CRLF3: variants seen among roughly 807,000 people sequenced by gnomAD.
The protein encoded by CRLF3 is cytokine receptor like factor 3.
Under a neutral mutation model 55.0 loss-of-function variants are expected in CRLF3, and 33 were observed. The ratio of observed to expected loss-of-function variants is 0.60; its 90% CI spans 0.46 to 0.80. CRLF3 has a LOEUF of 0.80. CRLF3 is among the 30% of genes least tolerant of loss of function. The probability of loss-of-function intolerance (pLI) is 0.00; values close to 1 mark genes in which losing one functional copy is unlikely to be tolerated. For missense variants in CRLF3, 494 were observed against 538.4 expected (o/e 0.92, Z 0.82); for synonymous variants, 238 against 196.8 (o/e 1.21, Z -1.75).
At chr17:30,810,494 G>A (rs1417783042) in intron 1 of CRLF3, among the ~76,000 whole-genome samples, 5 of 152,068 alleles carry the variant, frequency 3.3e-5, no homozygotes, top group East Asian at 1.9e-4. Flanking sequence ...CCCGGGAAGC[G>A]GAGGTTGCAG....
At chr17:30,821,761 CA>C (rs1437304825) in intron 1 of CRLF3, among the ~76,000 whole-genome samples, 1 of 151,840 alleles carries the variant, frequency 6.6e-6, no homozygotes, top group Non-Finnish European at 1.5e-5. Context: ...TTGTGGTTGC[CA>C]GGGGGTATGG....
At chr17:30,791,856 G>A (rs1398866974) in intron 6 of CRLF3, among the ~76,000 whole-genome samples, 2 of 150,688 alleles carry the variant, frequency 1.3e-5, no homozygotes, top group Non-Finnish European at 3.0e-5. Context: ...AATTTTGTGT[G>A]TGTGTTTGAG....
At chr17:30,802,598 G>GTT (rs999831336) in intron 2 of CRLF3, among the ~76,000 whole-genome samples, 12 of 142,386 alleles carry the variant, frequency 8.4e-5, no homozygotes, top group African/African-American at 1.3e-4. Flanking sequence ...GCCCAGCTAA[G>GTT]TTTTTTTTTT....
At chr17:30,797,213 C>T in intron 3 of CRLF3, 98 bp downstream of exon 3, 1 of 874,014 alleles carries the variant, frequency 1.1e-6, no homozygotes, top group Non-Finnish European at 1.9e-6. Flanking sequence ...AATATATATT[C>T]TCTATCTCCC....
Position 30,807,517 on chromosome 17 carries a change from CTTTTTTTTTTTT to C in CRLF3, c.130-3421_130-3410del, listed in dbSNP as rs778842582. On this transcript the variant is annotated intron_variant, in intron 1 of 7. Transcript: ENST00000324238. The stretch of plus-strand genomic sequence containing the variant: ...CAGACCATAGAAACAATTTTCTTTC[CTTTTTTTTTTTT>C]TTTTTTTTTTTTTTTTTTTTGACAC... Among the ~76,000 whole-genome samples the C allele has an allele frequency of 4.8e-3, 302 of 62,984 alleles. 1 individual carries two copies. The highest frequency in any genetic ancestry group is 0.017 in the African/African-American group (251 of 14,524). The allele number at this position is 62,984 out of a possible 152,430, so 41.3% of individuals were successfully genotyped here. A position where few individuals can be genotyped will look rare whatever the true frequency, so the allele number is the denominator to read the frequency against.
At chr17:30,789,669 T>C (rs188228811) in intron 6 of CRLF3, among the ~76,000 whole-genome samples, 2 of 152,256 alleles carry the variant, frequency 1.3e-5, no homozygotes, top group East Asian at 3.9e-4. Flanking sequence ...CTAAAATAAA[T>C]AACCCATCTA....
At chr17:30,803,740 G>T in intron 2 of CRLF3, 161 bp downstream of exon 2, 1 of 652,978 alleles carries the variant, frequency 1.5e-6, no homozygotes, top group Non-Finnish European at 2.7e-6. Context: ...CATGTGAGAT[G>T]TGCCTTTCAC....
At chr17:30,810,165 G>T (rs546173259) in intron 1 of CRLF3, among the ~76,000 whole-genome samples, 25 of 152,186 alleles carry the variant, frequency 1.6e-4, no homozygotes, top group Non-Finnish European at 2.6e-4. Context: ...TGACAGACAA[G>T]ATTTCAAACA....
At chr17:30,823,500 AT>A (rs1905055859) in intron 1 of CRLF3, among the ~76,000 whole-genome samples, 1 of 151,278 alleles carries the variant, frequency 6.6e-6, no homozygotes, top group African/African-American at 2.4e-5. Context: ...CTTTTCTACC[AT>A]TTTCAGGTTA....
In CRLF3 at chr17:30,783,851, A is replaced by C; in HGVS notation, c.*336T>G. ...CCTTTAAGATGATTTTAAAAATAAT[A>C]TTACATTAAGTTTTCCTGGTCTAAT... On this transcript the variant is annotated 3_prime_UTR_variant, in exon 8 of 8. Transcript: ENST00000324238. 5.1e-6 allele frequency: 1 copy of C among 196,172 alleles called. No individual in the cohort carries two copies. Among genetic ancestry groups the C allele is most frequent in the Non-Finnish European group, 1.0e-5 (1 of 95,394 alleles). 12.2% of individuals were successfully genotyped at this position (196,172 alleles called of 1,614,324 possible).
At chr17:30,785,895 G>A (rs1470051381) in intron 7 of CRLF3, 24 bp downstream of exon 7, 2 of 1,187,276 alleles carry the variant, frequency 1.7e-6, no homozygotes, top group Non-Finnish European at 2.5e-6. Context: ...ATTTCCAAGA[G>A]AATGACAGTT....
intron 6 of CRLF3, among the ~76,000 whole-genome samples, chr17:30,788,427 TGAGGGAGACCTGGAAG>T (rs1971701313): frequency 6.7e-6 from 1 of 149,364 alleles, no homozygotes; most frequent in Admixed American, 6.7e-5. Context: ...ACATAGGAAG[TGAGGGAGACCTGGAAG>T]GAGGGGGTTG....
Position 30,784,043 on chromosome 17 carries a change from A to G in CRLF3, c.*144T>C. On this transcript the variant is annotated 3_prime_UTR_variant, in exon 8 of 8. Transcript: ENST00000324238. ...CAACATTGAAGTCTCTTTTTGCTAA[A>G]ATATTACAAAATGAATCCAGTAAAC... The G allele has an allele frequency of 2.8e-6, 2 of 703,162 alleles. No homozygotes were observed. The highest frequency in any genetic ancestry group is 4.7e-6 in the Non-Finnish European group (2 of 428,032). The allele number at this position is 703,162 out of a possible 1,614,324, so 43.6% of individuals were successfully genotyped here. A position where few individuals can be genotyped will look rare whatever the true frequency, so the allele number is the denominator to read the frequency against.
intron 6 of CRLF3, among the ~76,000 whole-genome samples, chr17:30,789,881 T>C (rs989504873): frequency 6.6e-6 from 1 of 152,012 alleles, no homozygotes; most frequent in African/African-American, 2.4e-5. Context: ...CTCAGGAGAG[T>C]CACTAACCGA....
At chr17:30,813,046 T>C (rs1028577124) in intron 1 of CRLF3, among the ~76,000 whole-genome samples, 1 of 152,166 alleles carries the variant, frequency 6.6e-6, no homozygotes, top group African/African-American at 2.4e-5. Flanking sequence ...GAACTACCTA[T>C]CTGAGCCCCA....
chr17:30,820,264 CA>C (rs1264143139), intron 1 of CRLF3, among the ~76,000 whole-genome samples: 1 of 152,220 alleles, frequency 6.6e-6, no homozygotes, highest in Non-Finnish European at 1.5e-5. Context: ...GAAACTGCTA[CA>C]TGTTGGCAGT....
At chr17:30,799,454 G>A (rs1182038926) in intron 2 of CRLF3, among the ~76,000 whole-genome samples, 2 of 151,864 alleles carry the variant, frequency 1.3e-5, no homozygotes, top group African/African-American at 4.8e-5. Flanking sequence ...AAACTCTGGG[G>A]CTCAGGGGAT....
chr17:30,784,672 T>C (rs1303873833), intron 7 of CRLF3: 1 of 427,386 alleles, frequency 2.3e-6, no homozygotes, highest in African/African-American at 2.0e-5. Context: ...TGTTACAAAA[T>C]TACCTCCTGT....
At chr17:30,809,062 A>G (rs1292054568) in intron 1 of CRLF3, among the ~76,000 whole-genome samples, 1 of 152,226 alleles carries the variant, frequency 6.6e-6, no homozygotes, top group East Asian at 1.9e-4. Context: ...TAGCGGATAT[A>G]GCATACACAG....
Sources: gnomAD v4.1 joint callset for allele counts (sites outside exome capture counted in the v4.1 genomes callset) on GRCh38, gnomAD v4.1.1 for gene constraint, MANE v1.5 for transcripts, NCBI Gene and HGNC (gene_info 2026-07-23, HGNC 2026-07-21) for gene names.